FBXL17: variants seen among roughly 807,000 people sequenced by gnomAD.
FBXL17 encodes F-box and leucine rich repeat protein 17, also known as F-box/LRR-repeat protein 17.
In FBXL17, 22 loss-of-function variants were observed where a neutral mutation model predicts 66.2. That is an observed-to-expected ratio of 0.33 (90% CI 0.24 to 0.47). The LOEUF is 0.47. FBXL17 is among the 20% of genes least tolerant of loss of function. The probability of loss-of-function intolerance (pLI) is 1.00; values close to 1 mark genes in which losing one functional copy is unlikely to be tolerated. For synonymous variants in FBXL17, 474 were observed against 400.5 expected, an observed-to-expected ratio of 1.18 and a Z score of -2.19; for missense variants, 878 against 948.2, an observed-to-expected ratio of 0.93 and a Z score of 0.97.
chr5:108,349,110 T>C (rs1325389256), intron 3 of FBXL17, among the ~76,000 whole-genome samples: 1 of 152,144 alleles, frequency 6.6e-6, no homozygotes, highest in Non-Finnish European at 1.5e-5. Flanking sequence ...CCAGCCTCTC[T>C]TGAGTCTTAA....
chr5:108,299,672 GCCTGCCCCTGTTCAT>G, intron 4 of FBXL17: 5 of 982,526 alleles, frequency 5.1e-6, no homozygotes, highest in Non-Finnish European at 4.8e-6. Flanking sequence ...AAAAAGGCCA[GCCTGCCCCTGTTCAT>G]GATTGGCTGC....
intron 7 of FBXL17, among the ~76,000 whole-genome samples, chr5:107,969,553 C>T (rs1167362436): frequency 6.6e-6 from 1 of 152,080 alleles, no homozygotes; most frequent in East Asian, 1.9e-4. Context: ...AAAGTTAAGT[C>T]AATTCAGATG....
At chr5:107,878,947 A>G in intron 8 of FBXL17, 3 of 985,484 alleles carry the variant, frequency 3.0e-6, no homozygotes, top group Non-Finnish European at 3.6e-6. Context: ...GGTTAGAGAA[A>G]GGATTCAGAG....
At chr5:108,189,971 T>A (rs1287316627) in intron 5 of FBXL17, among the ~76,000 whole-genome samples, 1 of 152,166 alleles carries the variant, frequency 6.6e-6, no homozygotes, top group Non-Finnish European at 1.5e-5. Context: ...CCAGTTGAGA[T>A]CTTGATTGCC....
intron 7 of FBXL17, among the ~76,000 whole-genome samples, chr5:107,885,508 TA>T (rs1257056736): frequency 6.6e-6 from 1 of 152,174 alleles, no homozygotes; most frequent in Non-Finnish European, 1.5e-5. Flanking sequence ...GGTAACAGCC[TA>T]AATATCCATA....
At chr5:108,180,125 T>C (rs760265586) in intron 6 of FBXL17, among the ~76,000 whole-genome samples, 1 of 152,196 alleles carries the variant, frequency 6.6e-6, no homozygotes, top group Non-Finnish European at 1.5e-5. Context: ...TTAAATACTG[T>C]ATATGCCAAA....
intron 4 of FBXL17, among the ~76,000 whole-genome samples, chr5:108,293,029 A>C (rs186043469): frequency 6.7e-6 from 1 of 149,762 alleles, no homozygotes; most frequent in Non-Finnish European, 1.5e-5. Context: ...CGGAGCTTAT[A>C]GTGAGCTGAG....
At chr5:107,960,189 G>A (rs1751837136) in intron 7 of FBXL17, among the ~76,000 whole-genome samples, 1 of 151,966 alleles carries the variant, frequency 6.6e-6, no homozygotes, top group Non-Finnish European at 1.5e-5. Flanking sequence ...GACACAGTTT[G>A]TCCTCAGTAA....
chr5:108,281,128 A>C (rs1413407436), intron 4 of FBXL17, among the ~76,000 whole-genome samples: 1 of 151,820 alleles, frequency 6.6e-6, no homozygotes, highest in Non-Finnish European at 1.5e-5. Context: ...GTACAAAAAA[A>C]TGATAAAGGC....
intron 6 of FBXL17, among the ~76,000 whole-genome samples, chr5:108,158,302 T>A (rs1234400275): frequency 6.6e-6 from 1 of 152,100 alleles, no homozygotes; most frequent in Non-Finnish European, 1.5e-5. Context: ...TGAACCAATA[T>A]AATTCACAAT....
intron 4 of FBXL17, among the ~76,000 whole-genome samples, chr5:108,309,659 A>C: frequency 6.6e-6 from 1 of 152,196 alleles, no homozygotes; most frequent in Non-Finnish European, 1.5e-5. Context: ...AGCCACATAT[A>C]AAGAATAACT....
chr5:108,237,116 C>T (rs1304743021), intron 4 of FBXL17, among the ~76,000 whole-genome samples: 1 of 152,160 alleles, frequency 6.6e-6, no homozygotes, highest in Non-Finnish European at 1.5e-5. Flanking sequence ...CCCTAGTCCA[C>T]TGAGTCAACA....
chr5:107,976,866 G>A (rs1752598797), intron 7 of FBXL17, among the ~76,000 whole-genome samples: 1 of 152,138 alleles, frequency 6.6e-6, no homozygotes, highest in African/African-American at 2.4e-5. Flanking sequence ...AGTCTCACAG[G>A]AGTTGAGGGA....
chr5:108,319,583 T>C (rs989205076), intron 4 of FBXL17, among the ~76,000 whole-genome samples: 4 of 151,822 alleles, frequency 2.6e-5, no homozygotes, highest in African/African-American at 7.2e-5. Flanking sequence ...AATTTTATTT[T>C]TGAATAAACA....
chr5:108,347,379 T>G (rs896851259), intron 4 of FBXL17, among the ~76,000 whole-genome samples: 1 of 152,328 alleles, frequency 6.6e-6, no homozygotes, highest in African/African-American at 2.4e-5. Flanking sequence ...GGCCCATGAC[T>G]GTATGTACGC....
At chr5:107,984,316 T>C (rs1228862912) in intron 7 of FBXL17, among the ~76,000 whole-genome samples, 2 of 152,340 alleles carry the variant, frequency 1.3e-5, no homozygotes, top group African/African-American at 4.8e-5. Context: ...TGTTAATTTG[T>C]AACATAAATT....
intron 3 of FBXL17, among the ~76,000 whole-genome samples, chr5:108,352,366 A>C (rs1212403677): frequency 6.6e-6 from 1 of 152,230 alleles, no homozygotes; most frequent in Non-Finnish European, 1.5e-5. Flanking sequence ...TAAATTTCTC[A>C]ATGTTGTATT....
chr5:108,120,707 C>G (rs1287533718), intron 6 of FBXL17, among the ~76,000 whole-genome samples: 1 of 152,050 alleles, frequency 6.6e-6, no homozygotes, highest in Non-Finnish European at 1.5e-5. Context: ...GTGGCATGTG[C>G]CTGTAGTCGT....
rs147013476 is a variant in FBXL17 at position 108,096,922 on chromosome 5, T to A, written c.1746-75921A>T. Among the ~76,000 whole-genome samples the A allele has an allele frequency of 1.8e-4, 27 of 152,302 alleles. 1 individual carries two copies. In the East Asian group the frequency reaches 5.2e-3, roughly 29 times the overall value. ...TTGAAGAGTGAAAGAGTGGTACACA[T>A]GTAAAGGCACATGCATGGGGCATTT... is the stretch of plus-strand genomic sequence containing the variant. On this transcript the variant is annotated intron_variant, in intron 6 of 8. Transcript: ENST00000542267.
Sources: allele counts gnomAD v4.1 joint callset (sites outside exome capture counted in the v4.1 genomes callset), GRCh38; gene constraint gnomAD v4.1.1; transcripts MANE v1.5; gene names NCBI Gene and HGNC (gene_info 2026-07-23, HGNC 2026-07-21).